MARCHF3: variants seen among roughly 807,000 people sequenced by gnomAD.
MARCHF3 encodes membrane associated ring-CH-type finger 3.
In MARCHF3, 13 loss-of-function variants were observed where a neutral mutation model predicts 24.2. The ratio of observed to expected loss-of-function variants is 0.54; its 90% CI spans 0.35 to 0.85. MARCHF3 has a LOEUF of 0.85. Among genes scored for constraint, MARCHF3 ranks in the 40% least tolerant of loss-of-function variants. The pLI, the probability that MARCHF3 is intolerant of heterozygous loss-of-function variation, is 0.01. For missense variants in MARCHF3, 276 were observed against 325.0 expected (o/e 0.85, Z 1.16); for synonymous variants, 144 against 137.3 (o/e 1.05, Z -0.34).
intron 1 of MARCHF3, among the ~76,000 whole-genome samples, chr5:126,955,853 G>A (rs541081545): frequency 6.6e-6 from 1 of 151,980 alleles, no homozygotes; most frequent in South Asian, 2.1e-4. Context: ...TTTGTGTACC[G>A]ACTGAGAAAT....
intron 1 of MARCHF3, among the ~76,000 whole-genome samples, chr5:126,997,611 T>C (rs1466047580): frequency 6.6e-6 from 1 of 152,212 alleles, no homozygotes; most frequent in Non-Finnish European, 1.5e-5. Flanking sequence ...CAGTCTGTCC[T>C]GTAGATTCAC....
At chr5:127,001,106 C>T (rs990771832) in intron 1 of MARCHF3, among the ~76,000 whole-genome samples, 4 of 152,020 alleles carry the variant, frequency 2.6e-5, no homozygotes, top group Admixed American at 1.3e-4. Flanking sequence ...GGCATGCTGA[C>T]GCACGCCTGT....
At chr5:126,977,346 C>A (rs1289201647) in intron 1 of MARCHF3, among the ~76,000 whole-genome samples, 2 of 152,152 alleles carry the variant, frequency 1.3e-5, no homozygotes, top group African/African-American at 4.8e-5. Flanking sequence ...ATAGAATAAA[C>A]CTGAATGAAT....
At chr5:126,960,021 G>T (rs559195678) in intron 1 of MARCHF3, among the ~76,000 whole-genome samples, 7 of 152,154 alleles carry the variant, frequency 4.6e-5, no homozygotes, top group Non-Finnish European at 1.0e-4. Context: ...GTTTGAGTTA[G>T]AGTTTTAGAA....
chr5:126,944,128 C>T (rs1749929102), intron 1 of MARCHF3, among the ~76,000 whole-genome samples: 1 of 152,020 alleles, frequency 6.6e-6, no homozygotes, highest in African/African-American at 2.4e-5. Context: ...CTAATCTTAG[C>T]CACTCATAAT....
chr5:126,887,579 C>T (rs1186580133), intron 3 of MARCHF3, among the ~76,000 whole-genome samples: 1 of 152,154 alleles, frequency 6.6e-6, no homozygotes, highest in African/African-American at 2.4e-5. Context: ...CAATTAAGAA[C>T]ATGATTCTGA....
chr5:126,945,380 T>G (rs1320315276), intron 1 of MARCHF3, among the ~76,000 whole-genome samples: 1 of 152,122 alleles, frequency 6.6e-6, no homozygotes, highest in Non-Finnish European at 1.5e-5. Flanking sequence ...TGGGCGCATA[T>G]AGGGAGGCAC....
At chr5:126,884,400 A>T (rs1753442578) in intron 3 of MARCHF3, among the ~76,000 whole-genome samples, 1 of 152,218 alleles carries the variant, frequency 6.6e-6, no homozygotes, top group African/African-American at 2.4e-5. Context: ...GTAACAAAGT[A>T]TCTCAAAGGA....
Position 126,921,866 on chromosome 5 carries a change from C to T in MARCHF3, c.-56-3639G>A, listed in dbSNP as rs1301255867. Among the ~76,000 whole-genome samples, 3 of 152,064 alleles carry T rather than the reference C, an allele frequency of 2.0e-5. 1 individual carries two copies. Among genetic ancestry groups the T allele is most frequent in the Middle Eastern group, 6.8e-3 (2 of 294 alleles). ...ACTCAGCTGCACACAGTGGGAGGAG[C>T]GGGAGTAGGTGGATAAGAGGGAGAC... is the stretch of plus-strand genomic sequence containing the variant. On this transcript the variant is annotated intron_variant, in intron 1 of 4. Coordinates refer to ENST00000308660, the MANE Select transcript of MARCHF3 (RefSeq NM_178450.5).
intron 3 of MARCHF3, among the ~76,000 whole-genome samples, chr5:126,894,405 T>A (rs1329574308): frequency 6.6e-6 from 1 of 151,724 alleles, no homozygotes; most frequent in Non-Finnish European, 1.5e-5. Flanking sequence ...CATTTTGGCA[T>A]GATTTTGCAG....
intron 3 of MARCHF3, among the ~76,000 whole-genome samples, chr5:126,890,579 T>G (rs1448783755): frequency 6.6e-6 from 1 of 151,920 alleles, no homozygotes; most frequent in Non-Finnish European, 1.5e-5. Context: ...AGAATGAAGT[T>G]TTCCAGTTTC....
At chr5:126,871,703 CCTCT>C (rs370630562) in intron 4 of MARCHF3, among the ~76,000 whole-genome samples, 2,980 of 149,398 alleles carry the variant, frequency 0.02, 36 homozygotes, top group Non-Finnish European at 0.03. Context: ...CAAACTTAAG[CCTCT>C]CTCTCTTTTT....
intron 1 of MARCHF3, among the ~76,000 whole-genome samples, chr5:126,986,296 G>C (rs61685918): frequency 6.6e-6 from 1 of 151,982 alleles, no homozygotes; most frequent in African/African-American, 2.4e-5. Flanking sequence ...AAGTGGGCAG[G>C]GAGTTAAATA....
chr5:126,917,359 C>A (rs990676620), intron 2 of MARCHF3, among the ~76,000 whole-genome samples: 2 of 152,160 alleles, frequency 1.3e-5, no homozygotes, highest in Non-Finnish European at 2.9e-5. Context: ...AGCCTGCACT[C>A]GGGCTTTAGT....
chr5:126,988,075 G>C (rs1423514121), intron 1 of MARCHF3, among the ~76,000 whole-genome samples: 1 of 152,112 alleles, frequency 6.6e-6, no homozygotes, highest in Non-Finnish European at 1.5e-5. Flanking sequence ...AAAGAACTAG[G>C]AGGGCCAGAT....
intron 1 of MARCHF3, among the ~76,000 whole-genome samples, chr5:126,923,917 T>C (rs1561430349): frequency 1.3e-5 from 2 of 152,000 alleles, no homozygotes; most frequent in Non-Finnish European, 2.9e-5. Flanking sequence ...AGAAGCAAAT[T>C]CATTTATTCA....
At chr5:126,918,515 C>T (rs1748988112) in intron 1 of MARCHF3, among the ~76,000 whole-genome samples, 1 of 152,106 alleles carries the variant, frequency 6.6e-6, no homozygotes, top group Non-Finnish European at 1.5e-5. Flanking sequence ...ACTCTGAGGC[C>T]CAGATCTGAA....
chr5:126,937,465 C>A (rs1749684161), intron 1 of MARCHF3, among the ~76,000 whole-genome samples: 1 of 152,128 alleles, frequency 6.6e-6, no homozygotes, highest in South Asian at 2.1e-4. Context: ...TTTTATAAAG[C>A]ATCATTTATC....
At chr5:126,906,284 G>T (rs1489758713) in intron 3 of MARCHF3, among the ~76,000 whole-genome samples, 1 of 151,660 alleles carries the variant, frequency 6.6e-6, no homozygotes, top group African/African-American at 2.4e-5. Context: ...TCTCTTTTTT[G>T]GTTGTGTCTC....
Sources: allele counts gnomAD v4.1 joint callset (sites outside exome capture counted in the v4.1 genomes callset), GRCh38; gene constraint gnomAD v4.1.1; transcripts MANE v1.5; gene names NCBI Gene and HGNC (gene_info 2026-07-23, HGNC 2026-07-21).